RNF4: variants seen among roughly 807,000 people sequenced by gnomAD.
RNF4 encodes the protein ring finger protein 4, also known as E3 ubiquitin-protein ligase RNF4.
A neutral mutation model predicts 24.3 loss-of-function variants in RNF4; 7 were observed. That is an observed-to-expected ratio of 0.29 (90% CI 0.16 to 0.54). The LOEUF is 0.54. Among genes scored for constraint, RNF4 ranks in the 20% least tolerant of loss-of-function variants. The pLI is 0.95. For synonymous variants in RNF4, 83 were observed against 84.3 expected, an observed-to-expected ratio of 0.98 and a Z score of 0.09; for missense variants, 209 against 248.5, an observed-to-expected ratio of 0.84 and a Z score of 1.07.
At chr4:2,491,512 G>A (rs936867755) in intron 2 of RNF4, among the ~76,000 whole-genome samples, 2 of 152,064 alleles carry the variant, frequency 1.3e-5, no homozygotes, top group African/African-American at 2.4e-5. Context: ...GTACCATCTC[G>A]GCTTGCTGCA....
chr4:2,515,565 C>T lies in RNF4; in HGVS notation c.*1746C>T, dbSNP rs1465319299. 1.3e-5 allele frequency: 2 copies of T among 152,302 alleles called. No individual in the cohort carries two copies. The highest frequency in any genetic ancestry group is 2.9e-5 in the Non-Finnish European group (2 of 68,030). 9.4% of individuals were successfully genotyped at this position (152,302 alleles called of 1,614,324 possible). ...TCCACTCATAAAATATGGTAACACC[C>T]ATTTTAAAATTTAAGTTTTGTCCTT... On this transcript the variant is annotated 3_prime_UTR_variant, in exon 8 of 8. Coordinates refer to ENST00000314289, the MANE Select transcript of RNF4 (RefSeq NM_002938.5).
chr4:2,495,028 C>T (rs1482884525), intron 2 of RNF4, among the ~76,000 whole-genome samples: 1 of 152,168 alleles, frequency 6.6e-6, no homozygotes, highest in Admixed American at 6.5e-5. Context: ...ACATAAGCAA[C>T]CTGGTGGCTG....
rs541915887 is a variant in RNF4, at chr4:2,515,100, T to G, written c.*1281T>G. On this transcript the variant is annotated 3_prime_UTR_variant, in exon 8 of 8. Coordinates refer to ENST00000314289, the MANE Select transcript of RNF4 (RefSeq NM_002938.5). ...AGAGGCCTTACAGTGCCGGCATGCC[T>G]CCTCTTCCACTGTCGTCCTTCCTCA... 4 of 152,732 alleles carry G rather than the reference T, an allele frequency of 2.6e-5. No homozygotes were observed. The East Asian group carries it at 7.7e-4, about 29-fold the overall frequency. 9.5% of individuals were successfully genotyped at this position (152,732 alleles called of 1,614,324 possible). A position where few individuals can be genotyped will look rare whatever the true frequency, so the allele number is the denominator to read the frequency against.
At chr4:2,485,370 A>C (rs1735375725) in intron 1 of RNF4, among the ~76,000 whole-genome samples, 1 of 152,140 alleles carries the variant, frequency 6.6e-6, no homozygotes, top group Non-Finnish European at 1.5e-5. Context: ...TCTCTTTTAC[A>C]GATTCTATCT....
intron 2 of RNF4, among the ~76,000 whole-genome samples, chr4:2,492,296 A>G (rs1178799631): frequency 6.6e-6 from 1 of 151,964 alleles, no homozygotes; most frequent in Non-Finnish European, 1.5e-5. Flanking sequence ...CCTCCCACCT[A>G]GGCTCCCAGA....
Position 2,515,621 on chromosome 4 carries a change from T to C in RNF4, c.*1802T>C, listed in dbSNP as rs1213887279. The C allele has an allele frequency of 6.6e-6, 1 of 152,554 alleles. No individual in the cohort carries two copies. The highest frequency in any genetic ancestry group is 1.5e-5 in the Non-Finnish European group (1 of 68,046). 9.5% of individuals were successfully genotyped at this position (152,554 alleles called of 1,614,324 possible). The stretch of plus-strand genomic sequence containing the variant: ...CAACTTCAGTGGTTAATTATAAAAG[T>C]TGTGTTACTTCGTCCTAAATTAAAT... On this transcript the variant is annotated 3_prime_UTR_variant, in exon 8 of 8. Transcript: ENST00000314289.
At chr4:2,496,923 A>G (rs1053823952) in intron 2 of RNF4, 84 bp from the exon 3 acceptor site, 1 of 966,174 alleles carries the variant, frequency 1.0e-6, no homozygotes, top group South Asian at 1.6e-5. Flanking sequence ...AATGAAGTGA[A>G]CCATTTCTAT....
intron 3 of RNF4, among the ~76,000 whole-genome samples, chr4:2,498,874 GCAAGACCCCAC>G: frequency 6.6e-6 from 1 of 152,086 alleles, no homozygotes. Context: ...CTGGGCAACA[GCAAGACCCCAC>G]CTAAAAAATA....
intron 4 of RNF4, among the ~76,000 whole-genome samples, chr4:2,507,456 A>G (rs753977905): frequency 4.6e-5 from 7 of 152,244 alleles, no homozygotes; most frequent in Non-Finnish European, 8.8e-5. Context: ...CAGTAACTGC[A>G]TGATGTGTGT....
At chr4:2,488,729 A>C (rs1398618407) in intron 1 of RNF4, among the ~76,000 whole-genome samples, 1 of 152,210 alleles carries the variant, frequency 6.6e-6, no homozygotes, top group East Asian at 1.9e-4. Flanking sequence ...TCTATAGATA[A>C]GGAAATGGGG....
At position 2,513,666 on chromosome 4, in the gene RNF4, C is replaced by G. The variant is rs1736331853; in HGVS notation, c.424-4C>G. The G allele has an allele frequency of 3.0e-5, 49 of 1,613,524 alleles. No individual in the cohort carries two copies. Among genetic ancestry groups the G allele is most frequent in the Non-Finnish European group, 4.2e-5 (49 of 1,179,888 alleles). Reference sequence around the variant, plus strand: ...CGGAGGCTCTTCTTTTTAATGCCTTCTAGATCGTGCAGAATGGACGTCTCA... The same window carrying G: ...CGGAGGCTCTTCTTTTTAATGCCTTGTAGATCGTGCAGAATGGACGTCTCA... On this transcript the variant is annotated splice_region_variant and splice_polypyrimidine_tract_variant and intron_variant, in intron 7 of 7. Coordinates refer to ENST00000314289, the MANE Select transcript of RNF4 (RefSeq NM_002938.5).
intron 4 of RNF4, among the ~76,000 whole-genome samples, chr4:2,503,029 G>A (rs1465407118): frequency 1.3e-5 from 2 of 151,902 alleles, no homozygotes; most frequent in Admixed American, 6.6e-5. Context: ...TTTGGGTCGG[G>A]TGGTGGTGGT....
intron 1 of RNF4, among the ~76,000 whole-genome samples, chr4:2,484,019 GT>G (rs1308362729): frequency 1.8e-5 from 2 of 113,942 alleles, no homozygotes; most frequent in African/African-American, 6.9e-5. Context: ...TAGGGGGTGG[GT>G]TTCACCATAT....
chr4:2,475,027 C>T (rs1735025398), intron 1 of RNF4, among the ~76,000 whole-genome samples: 1 of 151,862 alleles, frequency 6.6e-6, no homozygotes, highest in Admixed American at 6.6e-5. Flanking sequence ...AACTCCATCT[C>T]AAAAAAAGAA....
At chr4:2,477,308 C>T (rs567606410) in intron 1 of RNF4, among the ~76,000 whole-genome samples, 10 of 150,888 alleles carry the variant, frequency 6.6e-5, no homozygotes, top group South Asian at 6.5e-4. Context: ...TGCTTTAGGT[C>T]GGGGGCGGTG....
chr4:2,511,158 G>T (rs560679112), intron 4 of RNF4, among the ~76,000 whole-genome samples: 1 of 152,254 alleles, frequency 6.6e-6, no homozygotes, highest in Non-Finnish European at 1.5e-5. Context: ...AGCACAGTCA[G>T]ATGTGGGCTC....
chr4:2,508,938 A>G (rs1308908070), intron 4 of RNF4, among the ~76,000 whole-genome samples: 2 of 36,620 alleles, frequency 5.5e-5, no homozygotes, highest in African/African-American at 1.6e-4. Flanking sequence ...TTTTTTTTTA[A>G]TTAAAGACAG....
intron 2 of RNF4, among the ~76,000 whole-genome samples, chr4:2,491,877 G>A (rs1735587401): frequency 1.3e-5 from 2 of 151,586 alleles, no homozygotes; most frequent in Admixed American, 1.3e-4. Context: ...GGGATCATAG[G>A]CATGCACCAC....
chr4:2,473,991 G>C (rs1734990658), intron 1 of RNF4, among the ~76,000 whole-genome samples: 1 of 152,158 alleles, frequency 6.6e-6, no homozygotes, highest in Non-Finnish European at 1.5e-5. Context: ...TGAGGCAGGA[G>C]AATTGCTTGA....
Sources: gnomAD v4.1 joint callset for allele counts (sites outside exome capture counted in the v4.1 genomes callset) on GRCh38, gnomAD v4.1.1 for gene constraint, MANE v1.5 for transcripts, NCBI Gene and HGNC (gene_info 2026-07-23, HGNC 2026-07-21) for gene names.